The following PEAK1 variants were observed in gnomAD, a reference collection of about 807,000 sequenced individuals.
PEAK1 encodes the protein pseudopodium enriched atypical kinase 1, also known as inactive tyrosine-protein kinase PEAK1.
Under a neutral mutation model 124.7 loss-of-function variants are expected in PEAK1, and 54 were observed. The ratio of observed to expected loss-of-function variants is 0.43; its 90% CI spans 0.35 to 0.54. PEAK1 has a LOEUF of 0.54. Among genes scored for constraint, PEAK1 ranks in the 20% least tolerant of loss-of-function variants. The pLI, the probability that PEAK1 is intolerant of heterozygous loss-of-function variation, is 0.01. For synonymous variants in PEAK1, 719 were observed against 760.0 expected (o/e 0.95, Z 0.89); for missense variants, 2,046 against 2,134.5 (o/e 0.96, Z 0.82).
At chr15:77,265,863 C>G (rs2061695964) in intron 5 of PEAK1, among the ~76,000 whole-genome samples, 1 of 151,992 alleles carries the variant, frequency 6.6e-6, no homozygotes, top group African/African-American at 2.4e-5. Context: ...ACCCAAATGT[C>G]CAACAATGAT....
intron 2 of PEAK1, chr15:77,347,127 A>G (rs2066917879): frequency 1.3e-6 from 1 of 758,360 alleles, no homozygotes; most frequent in Non-Finnish European, 1.6e-6. Flanking sequence ...TAAACTTGGT[A>G]TATTCATAGA....
intron 5 of PEAK1, among the ~76,000 whole-genome samples, chr15:77,260,442 C>A (rs557555806): frequency 8.6e-5 from 13 of 151,546 alleles, no homozygotes; most frequent in Non-Finnish European, 1.5e-4. Context: ...GAAAGAAACC[C>A]AGAAATGATA....
chr15:77,406,809 T>G (rs1337214569), intron 1 of PEAK1, among the ~76,000 whole-genome samples: 1 of 152,046 alleles, frequency 6.6e-6, no homozygotes, highest in Non-Finnish European at 1.5e-5. Flanking sequence ...AGAGCTCACA[T>G]AGCCAAAGCA....
intron 6 of PEAK1, among the ~76,000 whole-genome samples, chr15:77,197,218 T>C (rs2058149211): frequency 6.6e-6 from 1 of 152,094 alleles, no homozygotes; most frequent in Non-Finnish European, 1.5e-5. Flanking sequence ...GCAATAGATA[T>C]TGCTTAAAAT....
intron 2 of PEAK1, among the ~76,000 whole-genome samples, chr15:77,301,457 T>A (rs2063781906): frequency 6.6e-6 from 1 of 152,218 alleles, no homozygotes. Context: ...GATGTGGACA[T>A]AATCTCTTAG....
At chr15:77,219,558 A>G (rs1241196406) in intron 6 of PEAK1, among the ~76,000 whole-genome samples, 1 of 152,122 alleles carries the variant, frequency 6.6e-6, no homozygotes, top group Non-Finnish European at 1.5e-5. Flanking sequence ...TAAATTAAAA[A>G]TCAACCTTAT....
In PEAK1 at chr15:77,180,834, A is replaced by C. The variant is rs1252420019; in HGVS notation, c.1093T>G (p.Cys365Gly). The C allele has an allele frequency of 6.2e-7, 1 of 1,613,836 alleles. No homozygotes were observed. Among genetic ancestry groups the C allele is most frequent in the South Asian group, 1.1e-5 (1 of 91,068 alleles). ...ETASSLSQKI[C>G]NGGLSPGNPG... ...TTACCAGGAGATAATCCCCCATTAC[A>C]AATCTTCTGGGATAAACTACTGGCT... The change falls in exon 7 of 10, where the codon TGT becomes GGT. Residue 365 changes from cysteine (C) to glycine (G), a missense_variant. Coordinates refer to ENST00000682557, the MANE Select transcript of PEAK1 (RefSeq NM_001385026.1).
intron 7 of PEAK1, among the ~76,000 whole-genome samples, chr15:77,170,018 C>G (rs866917488): frequency 1.3e-5 from 2 of 151,844 alleles, no homozygotes; most frequent in Admixed American, 1.3e-4. Flanking sequence ...TAGGGTCATC[C>G]GAATATTTAT....
At chr15:77,235,184 TA>T (rs1390253513) in intron 6 of PEAK1, among the ~76,000 whole-genome samples, 1 of 152,012 alleles carries the variant, frequency 6.6e-6, no homozygotes, top group African/African-American at 2.4e-5. Context: ...AACTGGCTAA[TA>T]CAATAAATTG....
chr15:77,117,396 A>C (rs2051487012), intron 9 of PEAK1, among the ~76,000 whole-genome samples: 1 of 152,238 alleles, frequency 6.6e-6, no homozygotes, highest in African/African-American at 2.4e-5. Context: ...TGTGAGGATT[A>C]ATTGGGATCA....
chr15:77,392,949 CTGTGCACT>C (rs2070597879), intron 1 of PEAK1, among the ~76,000 whole-genome samples: 1 of 152,240 alleles, frequency 6.6e-6, no homozygotes, highest in Admixed American at 6.5e-5. Flanking sequence ...GAGAGGGAAG[CTGTGCACT>C]TGCGGGGAAA....
rs374101585 is a variant in PEAK1 at position 77,322,701 on chromosome 15, C to G, written c.-602-36197G>C. 6.0e-4 allele frequency among the ~76,000 whole-genome samples: 92 copies of G among 152,294 alleles called. 4 individuals carry two copies. In the East Asian group the frequency reaches 0.013, roughly 22 times the overall value. The stretch of plus-strand genomic sequence containing the variant: ...TCACAGCCAAATTCTACCAGAGGTA[C>G]AAGGAGGAGCTGGTACCATTCCTTC... On this transcript the variant is annotated intron_variant, in intron 2 of 9. Transcript: ENST00000682557.
intron 6 of PEAK1, among the ~76,000 whole-genome samples, chr15:77,242,901 T>G (rs2060422712): frequency 6.6e-6 from 1 of 152,216 alleles, no homozygotes; most frequent in Non-Finnish European, 1.5e-5. Flanking sequence ...CACTGCCTAT[T>G]GTGCCTTACT....
intron 1 of PEAK1, among the ~76,000 whole-genome samples, chr15:77,387,759 A>T: frequency 6.6e-6 from 1 of 152,392 alleles, no homozygotes; most frequent in South Asian, 2.1e-4. Context: ...ATTAAAAATT[A>T]AAAATAAATA....
intron 6 of PEAK1, among the ~76,000 whole-genome samples, chr15:77,184,229 T>A (rs2057424948): frequency 6.6e-6 from 1 of 151,962 alleles, no homozygotes; most frequent in Admixed American, 6.5e-5. Flanking sequence ...ATTGTAAATA[T>A]AATTAGCCAC....
chr15:77,409,292 GA>G (rs1476936635), intron 1 of PEAK1, among the ~76,000 whole-genome samples: 42 of 152,238 alleles, frequency 2.8e-4, no homozygotes, highest in African/African-American at 9.1e-4. Context: ...GCACACACAT[GA>G]TACTATGCTT....
intron 2 of PEAK1, among the ~76,000 whole-genome samples, chr15:77,354,646 C>T (rs1303564723): frequency 6.6e-6 from 1 of 152,180 alleles, no homozygotes; most frequent in Non-Finnish European, 1.5e-5. Flanking sequence ...GACTTATACT[C>T]ATGGTGGTTA....
At chr15:77,308,948 T>A (rs544834914) in intron 2 of PEAK1, among the ~76,000 whole-genome samples, 1 of 151,908 alleles carries the variant, frequency 6.6e-6, no homozygotes, top group African/African-American at 2.4e-5. Context: ...CCAAAAAAAA[T>A]CCAAAAAAAG....
chr15:77,115,305 T>C lies in PEAK1; in HGVS notation c.4092A>G (p.Lys1364=). 1 of 1,612,486 alleles carries C rather than the reference T, an allele frequency of 6.2e-7. No individual in the cohort carries two copies. Among genetic ancestry groups the C allele is most frequent in the African/African-American group, 1.3e-5 (1 of 75,034 alleles). Reference sequence around the variant, plus strand: ...GATAATACTGCTGAGATTCTTTAGCTTTGCTCTTACAGATCTGAAAGATAA... The same window carrying C: ...GATAATACTGCTGAGATTCTTTAGCCTTGCTCTTACAGATCTGAAAGATAA... ...NNYAVKICKS[K]AKESQQYYHS... Residue 1364 remains lysine, a synonymous_variant, in exon 10 of 10, where the codon AAA becomes AAG. Coordinates refer to ENST00000682557, the MANE Select transcript of PEAK1 (RefSeq NM_001385026.1).
Sources: allele counts gnomAD v4.1 joint callset (sites outside exome capture counted in the v4.1 genomes callset), GRCh38; gene constraint gnomAD v4.1.1; transcripts MANE v1.5; gene names NCBI Gene and HGNC (gene_info 2026-07-23, HGNC 2026-07-21).